Variants in DENND5B observed in about 807,000 individuals in gnomAD.
The protein encoded by DENND5B is DENN domain containing 5B, also known as DENN domain-containing protein 5B.
Under a neutral mutation model 140.6 loss-of-function variants are expected in DENND5B, and 34 were observed. The observed-to-expected ratio is 0.24, with a 90% CI of 0.18 to 0.32. The LOEUF (loss-of-function observed/expected upper bound fraction) is 0.32. DENND5B is among the 10% of genes least tolerant of loss of function. DENND5B has a pLI of 1.00. For missense variants in DENND5B, 1,142 were observed against 1,560.2 expected (o/e 0.73, Z 4.52); for synonymous variants, 551 against 562.1 (o/e 0.98, Z 0.28).
chr12:31,545,922 G>A (rs1018744332), intron 1 of DENND5B, among the ~76,000 whole-genome samples: 10 of 123,794 alleles, frequency 8.1e-5, no homozygotes, highest in Non-Finnish European at 1.2e-4. Context: ...CTGCACTCCA[G>A]TATGGGTGAG....
rs74916296 is a variant in DENND5B, at chr12:31,434,638, G to A, written c.2013-1390C>T. ...AGTGTGTAAGACTCAACCATCCAGC[G>A]ATTATCCTTAATCACTCCTTTCTAT... On this transcript the variant is annotated intron_variant, in intron 7 of 20. Transcript: ENST00000389082. Among the ~76,000 whole-genome samples the A allele has an allele frequency of 9.1e-3, 1,382 of 152,220 alleles. 21 individuals are homozygous for A. The highest frequency in any genetic ancestry group is 0.032 in the African/African-American group (1,336 of 41,518).
intron 14 of DENND5B, 126 bp downstream of exon 14, chr12:31,409,137 A>C: frequency 1.8e-6 from 2 of 1,090,988 alleles, no homozygotes; most frequent in Admixed American, 3.3e-5. Context: ...CTTTACTCCT[A>C]AACAGAGACC....
chr12:31,510,909 G>C (rs1211146100), intron 1 of DENND5B, among the ~76,000 whole-genome samples: 1 of 152,024 alleles, frequency 6.6e-6, no homozygotes, highest in Non-Finnish European at 1.5e-5. Flanking sequence ...TTCCATGTCT[G>C]CCTATTAGGC....
intron 11 of DENND5B, among the ~76,000 whole-genome samples, chr12:31,421,818 T>C (rs970655511): frequency 1.3e-5 from 2 of 152,176 alleles, no homozygotes; most frequent in African/African-American, 2.4e-5. Context: ...TCCCAAAGTG[T>C]TGGGATTACA....
chr12:31,424,823 A>G, intron 9 of DENND5B, 136 bp from the exon 10 acceptor site: 1 of 1,143,546 alleles, frequency 8.7e-7, no homozygotes. Flanking sequence ...TGGGAAAAAA[A>G]TCTCTTAATC....
At chr12:31,589,753 C>A (rs1471651637) in intron 1 of DENND5B, among the ~76,000 whole-genome samples, 5 of 152,070 alleles carry the variant, frequency 3.3e-5, no homozygotes, top group Middle Eastern at 3.4e-3. Flanking sequence ...ACAACAACAA[C>A]AAATCAAGAT....
intron 3 of DENND5B, chr12:31,465,061 T>C (rs1945196602): frequency 6.6e-6 from 1 of 152,240 alleles, no homozygotes; most frequent in African/African-American, 2.4e-5. Context: ...TGCCTAGTGA[T>C]GGCTCTGGCA....
intron 1 of DENND5B, among the ~76,000 whole-genome samples, chr12:31,586,363 C>T (rs1181162718): frequency 6.6e-6 from 1 of 152,112 alleles, no homozygotes; most frequent in African/African-American, 2.4e-5. Flanking sequence ...GGGCAAAGTA[C>T]CTCTTGAAAA....
At chr12:31,508,937 G>A (rs1278317139) in intron 1 of DENND5B, among the ~76,000 whole-genome samples, 2 of 152,048 alleles carry the variant, frequency 1.3e-5, no homozygotes, top group African/African-American at 2.4e-5. Context: ...AAAAAGTCAA[G>A]TCACCTTTGG....
intron 1 of DENND5B, among the ~76,000 whole-genome samples, chr12:31,518,959 G>C (rs910363562): frequency 6.6e-6 from 1 of 152,194 alleles, no homozygotes; most frequent in African/African-American, 2.4e-5. Flanking sequence ...GCTGAAAGCA[G>C]CCCTAGAGCA....
chr12:31,428,795 G>A (rs922856883), intron 8 of DENND5B, among the ~76,000 whole-genome samples: 1 of 151,846 alleles, frequency 6.6e-6, no homozygotes, highest in Admixed American at 6.6e-5. Context: ...GCAGTGGCGC[G>A]ATCTCGGCTC....
intron 2 of DENND5B, among the ~76,000 whole-genome samples, chr12:31,483,446 T>C (rs2138588790): frequency 6.6e-6 from 1 of 152,234 alleles, no homozygotes; most frequent in African/African-American, 2.4e-5. Context: ...ATACATCTTT[T>C]TTTTTTTTTT....
intron 1 of DENND5B, among the ~76,000 whole-genome samples, chr12:31,520,527 A>T (rs545119361): frequency 2.6e-5 from 4 of 152,054 alleles, no homozygotes; most frequent in Non-Finnish European, 5.9e-5. Context: ...ATATAATTTA[A>T]ATTTTTCTAG....
chr12:31,426,222 C>G, intron 9 of DENND5B, 71 bp downstream of exon 9: 2 of 1,491,790 alleles, frequency 1.3e-6, no homozygotes, highest in East Asian at 2.4e-5. Flanking sequence ...GGGGTTAACT[C>G]AGTTCATCTT....
At position 31,529,741 on chromosome 12, in the gene DENND5B, T is replaced by A. The variant is rs184899412; in HGVS notation, c.128-33822A>T. ...ATAAAAATTTAAAAATAATTTTTTT[T>A]AAAAAAGAAAACATCCTTTAAAAAA... On this transcript the variant is annotated intron_variant, in intron 1 of 20. Transcript: ENST00000389082. Among the ~76,000 whole-genome samples, 739 of 150,032 alleles carry A rather than the reference T, an allele frequency of 4.9e-3. 5 individuals carry two copies. The highest frequency in any genetic ancestry group is 0.015 in the East Asian group (76 of 5,138).
At chr12:31,525,298 T>C (rs1948047538) in intron 1 of DENND5B, among the ~76,000 whole-genome samples, 1 of 152,192 alleles carries the variant, frequency 6.6e-6, no homozygotes, top group Non-Finnish European at 1.5e-5. Flanking sequence ...TAAATTTCCA[T>C]CAACTGATGA....
chr12:31,558,899 G>A (rs1046213352), intron 1 of DENND5B, among the ~76,000 whole-genome samples: 1 of 152,042 alleles, frequency 6.6e-6, no homozygotes, highest in African/African-American at 2.4e-5. Context: ...CTCCTCTCTA[G>A]GAATGACTGA....
chr12:31,430,598 T>C lies in DENND5B; in HGVS notation c.2106+2557A>G, dbSNP rs150295532. On this transcript the variant is annotated intron_variant, in intron 8 of 20. Coordinates refer to ENST00000389082, the MANE Select transcript of DENND5B (RefSeq NM_144973.4). ...AGGCAGGAAGATCAGGAGGTGGAGG[T>C]TGCAGTGAGCCAAGATCACGCCACT... Among the ~76,000 whole-genome samples the C allele has an allele frequency of 9.6e-3, 1,447 of 150,174 alleles. 26 individuals carry two copies. Among genetic ancestry groups the C allele is most frequent in the African/African-American group, 0.034 (1,370 of 40,814 alleles).
At chr12:31,528,536 G>A (rs1031301370) in intron 1 of DENND5B, among the ~76,000 whole-genome samples, 7 of 152,078 alleles carry the variant, frequency 4.6e-5, no homozygotes, top group African/African-American at 1.2e-4. Flanking sequence ...GTGTAGCAGC[G>A]GAGATAGTGA....
Sources: allele counts gnomAD v4.1 joint callset (sites outside exome capture counted in the v4.1 genomes callset), GRCh38; gene constraint gnomAD v4.1.1; transcripts MANE v1.5; gene names NCBI Gene and HGNC (gene_info 2026-07-23, HGNC 2026-07-21).